The following KCNH1 variants were observed in gnomAD, a reference collection of about 807,000 sequenced individuals.
KCNH1 encodes potassium voltage-gated channel subfamily H member 1.
In KCNH1, 27 loss-of-function variants were observed where a neutral mutation model predicts 69.2. The observed-to-expected ratio is 0.39, with a 90% CI of 0.29 to 0.54. KCNH1 has a LOEUF of 0.54. KCNH1 is among the 20% of genes least tolerant of loss of function. KCNH1 has a pLI of 0.68. For synonymous variants in KCNH1, 456 were observed against 487.7 expected, an observed-to-expected ratio of 0.93 and a Z score of 0.86; for missense variants, 798 against 1,261.6, an observed-to-expected ratio of 0.63 and a Z score of 5.57.
chr1:210,917,191 CAG>C (rs1009146289), intron 7 of KCNH1, among the ~76,000 whole-genome samples: 1 of 106,078 alleles, frequency 9.4e-6, no homozygotes, highest in Admixed American at 1.2e-4. Context: ...AATAAAGAGA[CAG>C]AGAAAGAAAG....
chr1:210,938,075 G>A (rs1355088440), intron 6 of KCNH1, among the ~76,000 whole-genome samples: 1 of 152,192 alleles, frequency 6.6e-6, no homozygotes, highest in Non-Finnish European at 1.5e-5. Context: ...AATGTCCATG[G>A]GTTTGGCATG....
chr1:210,791,983 C>T (rs1003950878), intron 9 of KCNH1, among the ~76,000 whole-genome samples: 1 of 152,134 alleles, frequency 6.6e-6, no homozygotes, highest in African/African-American at 2.4e-5. Context: ...CGTATAAGTC[C>T]TAACTCAGTA....
chr1:210,730,697 A>C (rs1364477265), intron 10 of KCNH1, among the ~76,000 whole-genome samples: 1 of 152,102 alleles, frequency 6.6e-6, no homozygotes, highest in Non-Finnish European at 1.5e-5. Flanking sequence ...AGCAAAAGTG[A>C]ATGTAAGCAG....
chr1:210,928,462 T>A (rs1687617247), intron 6 of KCNH1, among the ~76,000 whole-genome samples: 1 of 152,134 alleles, frequency 6.6e-6, no homozygotes, highest in Non-Finnish European at 1.5e-5. Flanking sequence ...TACTCCAGAA[T>A]GATCATTGGG....
rs560126300 is a variant in KCNH1, at chr1:210,737,074, C to T, written c.2112+38274G>A. Among the ~76,000 whole-genome samples the T allele has an allele frequency of 1.2e-4, 19 of 152,336 alleles. No homozygotes were observed. The South Asian group carries it at 2.7e-3, about 22-fold the overall frequency. ...AAAGGCAGTCAAGAAGTAGCCAAAGCCACGTGGTGATCAGATCTTTTATTT... is the reference window on the plus strand; with the variant it reads ...AAAGGCAGTCAAGAAGTAGCCAAAGTCACGTGGTGATCAGATCTTTTATTT... On this transcript the variant is annotated intron_variant, in intron 10 of 10. Transcript: ENST00000271751.
At chr1:211,087,665 C>A (rs1014291907) in intron 4 of KCNH1, among the ~76,000 whole-genome samples, 1 of 149,328 alleles carries the variant, frequency 6.7e-6, no homozygotes, top group African/African-American at 2.5e-5. Context: ...ACACACACAC[C>A]CCAGAGCTGT....
rs976726029 is a variant in KCNH1, at chr1:210,984,011, G to T, written c.1032+34772C>A. ...ACATCCCTTGTTAGTTGGATTCCTA[G>T]GTATTTTATTCTCTTTGCAGCAATT... On this transcript the variant is annotated intron_variant, in intron 6 of 10. Coordinates refer to ENST00000271751, the MANE Select transcript of KCNH1 (RefSeq NM_172362.3). 6.2e-4 allele frequency among the ~76,000 whole-genome samples: 94 copies of T among 152,172 alleles called. No homozygotes were observed. In the Middle Eastern group the frequency reaches 0.014, roughly 22 times the overall value.
chr1:210,804,819 A>G (rs1684500920), intron 7 of KCNH1, among the ~76,000 whole-genome samples: 1 of 152,228 alleles, frequency 6.6e-6, no homozygotes, highest in Non-Finnish European at 1.5e-5. Context: ...TAGTGCAACA[A>G]TCTGCTTCAC....
intron 6 of KCNH1, among the ~76,000 whole-genome samples, chr1:210,967,380 A>C (rs531628546): frequency 6.6e-6 from 1 of 152,184 alleles, no homozygotes; most frequent in African/African-American, 2.4e-5. Flanking sequence ...CTGCTATGCA[A>C]AGGATATAAG....
At chr1:210,987,416 A>G (rs902558522) in intron 6 of KCNH1, among the ~76,000 whole-genome samples, 1 of 152,034 alleles carries the variant, frequency 6.6e-6, no homozygotes, top group Non-Finnish European at 1.5e-5. Context: ...TTGTAGTTTT[A>G]TCTACCTTTG....
intron 1 of KCNH1, among the ~76,000 whole-genome samples, chr1:211,122,009 G>C (rs1005686034): frequency 5.3e-5 from 8 of 152,008 alleles, no homozygotes; most frequent in African/African-American, 1.9e-4. Context: ...ACGGTGGCGG[G>C]CACTTGCAGT....
At chr1:210,775,211 G>T in intron 10 of KCNH1, 137 bp downstream of exon 10, 1 of 707,734 alleles carries the variant, frequency 1.4e-6, no homozygotes, top group Non-Finnish European at 2.3e-6. Flanking sequence ...GCCCCGCAGA[G>T]CAAACAACAA....
intron 10 of KCNH1, among the ~76,000 whole-genome samples, chr1:210,691,995 C>G (rs1681537563): frequency 6.6e-6 from 1 of 152,192 alleles, no homozygotes; most frequent in Admixed American, 6.5e-5. Flanking sequence ...GTCCCAGTGG[C>G]CTTCATCCAG....
intron 5 of KCNH1, among the ~76,000 whole-genome samples, chr1:211,032,228 A>G (rs2102423998): frequency 6.6e-6 from 1 of 152,354 alleles, no homozygotes; most frequent in East Asian, 1.9e-4. Flanking sequence ...CTCTTCAAGG[A>G]GAACTACAAA....
intron 6 of KCNH1, among the ~76,000 whole-genome samples, chr1:210,923,983 T>C (rs547549263): frequency 2.6e-5 from 4 of 152,284 alleles, no homozygotes; most frequent in South Asian, 2.1e-4. Context: ...GGTGTCCTTA[T>C]AAGAAGAGAA....
intron 3 of KCNH1, among the ~76,000 whole-genome samples, chr1:211,096,894 AG>A (rs1209382803): frequency 6.6e-6 from 1 of 152,256 alleles, no homozygotes; most frequent in African/African-American, 2.4e-5. Flanking sequence ...AGGCCTCAAA[AG>A]AAAAACAATA....
chr1:210,955,979 C>T (rs1688167221), intron 6 of KCNH1, among the ~76,000 whole-genome samples: 1 of 152,072 alleles, frequency 6.6e-6, no homozygotes, highest in Non-Finnish European at 1.5e-5. Context: ...CTGTCTTGTG[C>T]CAGTTTTCAA....
chr1:210,999,760 C>T (rs1249685561), intron 6 of KCNH1, among the ~76,000 whole-genome samples: 5 of 152,198 alleles, frequency 3.3e-5, no homozygotes, highest in Non-Finnish European at 7.3e-5. Context: ...ATGCAGAAAT[C>T]CTCAATAAAA....
At chr1:210,721,740 C>T (rs1362927210) in intron 10 of KCNH1, among the ~76,000 whole-genome samples, 1 of 151,976 alleles carries the variant, frequency 6.6e-6, no homozygotes, top group Non-Finnish European at 1.5e-5. Context: ...CAACATGGCA[C>T]ATGTATACAT....
Sources: gnomAD v4.1 joint callset for allele counts (sites outside exome capture counted in the v4.1 genomes callset) on GRCh38, gnomAD v4.1.1 for gene constraint, MANE v1.5 for transcripts, NCBI Gene and HGNC (gene_info 2026-07-23, HGNC 2026-07-21) for gene names.